MCM2: variants seen among roughly 807,000 people sequenced by gnomAD.
MCM2 encodes DNA replication licensing factor MCM2.
MCM2 carries 49 observed loss-of-function variants against 86.4 expected under a neutral mutation model. The observed-to-expected ratio is 0.57, with a 90% CI of 0.45 to 0.72. The LOEUF is 0.72. Among genes scored for constraint, MCM2 ranks in the 30% least tolerant of loss-of-function variants. MCM2 has a pLI of 0.00. For missense variants in MCM2, 1,038 were observed against 1,259.9 expected (o/e 0.82, Z 2.67); for synonymous variants, 475 against 484.6 (o/e 0.98, Z 0.26).
rs536712928 is a variant in MCM2, at chr3:127,621,303, T to C, written c.2604+75T>C. On this transcript the variant is annotated intron_variant, in intron 15 of 15. Transcript: ENST00000265056. ...TGCCAGTCTCCTGATGGGGGCTCCA[T>C]CATAATGGGTCATGAAGTGGGTGGG... 65 of 1,559,508 alleles carry C rather than the reference T, an allele frequency of 4.2e-5. No homozygotes were observed. The African/African-American group carries it at 8.4e-4, about 20-fold the overall frequency.
chr3:127,619,156 C>T lies in MCM2; in HGVS notation c.2143C>T (p.Leu715=), dbSNP rs2074456793. 1 of 1,614,164 alleles carries T rather than the reference C, an allele frequency of 6.2e-7. No homozygotes were observed. The highest frequency in any genetic ancestry group is 8.5e-7 in the Non-Finnish European group (1 of 1,180,038). ...AMPNTYGVEP[L]PQEVLKKYII... is the part of the protein sequence containing the mutation. ...GCCCAACACGTATGGCGTGGAGCCCCTGCCCCAGGAGGTCCTGAAGAAGTA... is the reference window on the plus strand; with the variant it reads ...GCCCAACACGTATGGCGTGGAGCCCTTGCCCCAGGAGGTCCTGAAGAAGTA... Residue 715 remains leucine, a synonymous_variant, in exon 13 of 16, where the codon CTG becomes TTG. Coordinates refer to ENST00000265056, the MANE Select transcript of MCM2 (RefSeq NM_004526.4).
rs577435798 is a variant in MCM2, at chr3:127,619,108, G to T, written c.2095G>T (p.Gly699Cys). 19 of 1,613,306 alleles carry T rather than the reference G, an allele frequency of 1.2e-5. No individual in the cohort carries two copies. In the South Asian group the frequency reaches 1.8e-4, roughly 15 times the overall value. ...CAAGGAGGAGGAGGGGCTGGCCAAT[G>T]GCAGCGCTGCTGAGCCCGCCATGCC... ...SNKEEEGLAN[G>C]SAAEPAMPNT... The change falls in exon 13 of 16, where the codon GGC (glycine) becomes TGC (cysteine). Residue 699 changes from glycine to cysteine, a missense_variant. Physicochemically the swap from Gly to Cys is radical, Grantham distance 159 (BLOSUM62 -3). Coordinates refer to ENST00000265056, the MANE Select transcript of MCM2 (RefSeq NM_004526.4).
chr3:127,608,691 G>A, intron 7 of MCM2, 141 bp from the exon 8 acceptor site: 1 of 1,193,294 alleles, frequency 8.4e-7, no homozygotes, highest in Non-Finnish European at 1.2e-6. Context: ...GGAATGGTGG[G>A]TTTAGGAGGG....
intron 8 of MCM2, among the ~76,000 whole-genome samples, chr3:127,613,877 A>C (rs915842334): frequency 1.2e-4 from 19 of 152,290 alleles, no homozygotes; most frequent in African/African-American, 4.6e-4. Flanking sequence ...CCTTCTTGCC[A>C]TGTCATCCCA....
rs1265803386 is a variant in MCM2, at chr3:127,620,710, A to G, written c.2278A>G (p.Ile760Val). 1.9e-6 allele frequency: 3 copies of G among 1,593,574 alleles called. No homozygotes were observed. Among genetic ancestry groups the G allele is most frequent in the African/African-American group, 1.3e-5 (1 of 74,376 alleles). Residue 760 changes from isoleucine (I) to valine (V), a missense_variant, in exon 14 of 16, where the codon ATC becomes GTC. This residue lies in a region of MCM2 where 336 missense variants were observed against 425.7 expected (regional missense o/e 0.79). Coordinates refer to ENST00000265056, the MANE Select transcript of MCM2 (RefSeq NM_004526.4). ...LRKESMATGSIPITVRHIESM... is the reference protein window; with the variant it reads ...LRKESMATGSVPITVRHIESM... ...TGCTTCTCTCCAGGCGACAGGCAGC[A>G]TCCCCATTACGGTGCGGCACATCGA... is the stretch of plus-strand genomic sequence containing the variant.
intron 8 of MCM2, among the ~76,000 whole-genome samples, chr3:127,609,768 A>T (rs976632216): frequency 2.7e-5 from 4 of 147,340 alleles, no homozygotes; most frequent in African/African-American, 1.0e-4. Context: ...CCCCCAGAGC[A>T]CCGTGTGTTC....
At chr3:127,616,847 G>A (rs530603885) in intron 9 of MCM2, 21 bp from the exon 10 acceptor site, 73 of 1,603,700 alleles carry the variant, frequency 4.6e-5, no homozygotes, top group African/African-American at 1.5e-4. Context: ...CCCCTCCCCC[G>A]CTTCTACTCA....
chr3:127,611,778 A>T, intron 8 of MCM2, among the ~76,000 whole-genome samples: 1 of 120,996 alleles, frequency 8.3e-6, no homozygotes, highest in East Asian at 2.4e-4. Context: ...GGCTCACTGC[A>T]AGCTCCGCCT....
chr3:127,617,128 T>C lies in MCM2; in HGVS notation c.1773+10T>C. ...TGATGAATTTGACAAGGTGGGTCCCTGGGTCACGGAGGCTGGTGGAACTCA... is the reference window on the plus strand; with the variant it reads ...TGATGAATTTGACAAGGTGGGTCCCCGGGTCACGGAGGCTGGTGGAACTCA... On this transcript the variant is annotated intron_variant, in intron 10 of 15. Transcript: ENST00000265056. The surrounding 1 kb of genome is among the most constrained non-coding windows in gnomAD (Gnocchi z 4.1). 1 of 1,611,340 alleles carries C rather than the reference T, an allele frequency of 6.2e-7. No homozygotes were observed. The highest frequency in any genetic ancestry group is 8.5e-7 in the Non-Finnish European group (1 of 1,177,950).
intron 6 of MCM2, 109 bp from the exon 7 acceptor site, chr3:127,608,273 A>G (rs1388235932): frequency 2.1e-6 from 3 of 1,417,226 alleles, no homozygotes; most frequent in Non-Finnish European, 2.9e-6. Context: ...TTGGCTCTCC[A>G]TTTGCCACTC....
At chr3:127,620,901 G>C (rs1312391322) in intron 14 of MCM2, 21 bp downstream of exon 14, 2 of 1,585,922 alleles carry the variant, frequency 1.3e-6, no homozygotes, top group African/African-American at 2.7e-5. Context: ...TCCGAGGTAG[G>C]GGCCTGATGG....
chr3:127,608,455 G>T lies in MCM2; in HGVS notation c.1175G>T (p.Arg392Leu). The T allele has an allele frequency of 6.2e-7, 1 of 1,614,196 alleles. No individual in the cohort carries two copies. The highest frequency in any genetic ancestry group is 8.5e-7 in the Non-Finnish European group (1 of 1,180,044). The change falls in exon 7 of 16, where the codon CGC (arginine) becomes CTC (leucine). Residue 392 changes from arginine (R) to leucine (L), a missense_variant. Arg to Leu is a moderately radical substitution (Grantham distance 102). Around this residue, in one of 4 missense-constraint regions of MCM2, gnomAD observed 399 missense variants for 507.2 expected, o/e 0.79. Transcript: ENST00000265056. ...AAAGTGGCGGCTGGCCGGCTGCCCC[G>T]CTCCAAGGACGCCATTCTCCTCGCA... ...PGKVAAGRLP[R>L]SKDAILLADL...
At chr3:127,620,604 T>G in intron 13 of MCM2, 94 bp from the exon 14 acceptor site, 1 of 1,311,520 alleles carries the variant, frequency 7.6e-7, no homozygotes, top group South Asian at 1.4e-5. Flanking sequence ...GTCAGATGGG[T>G]CTTCTTGGCT....
intron 13 of MCM2, 87 bp downstream of exon 13, chr3:127,619,365 C>G: frequency 6.6e-7 from 1 of 1,508,560 alleles, no homozygotes; most frequent in Non-Finnish European, 8.9e-7. Flanking sequence ...GGGTGGTGGT[C>G]AGTCAGGCCA....
In MCM2 at chr3:127,604,798, C is replaced by T; in HGVS notation, c.412+15C>T. ...GCTCCTGTATGGTAGGTCCAGTTGTCTGCCTGCCCGAGGGACTGGGAAGCT... is the reference window on the plus strand; with the variant it reads ...GCTCCTGTATGGTAGGTCCAGTTGTTTGCCTGCCCGAGGGACTGGGAAGCT... On this transcript the variant is annotated intron_variant, in intron 3 of 15. Coordinates refer to ENST00000265056, the MANE Select transcript of MCM2 (RefSeq NM_004526.4). The T allele has an allele frequency of 6.3e-7, 1 of 1,576,930 alleles. No homozygotes were observed. The highest frequency in any genetic ancestry group is 8.6e-7 in the Non-Finnish European group (1 of 1,161,430).
chr3:127,607,003 C>T (rs17538488), intron 6 of MCM2, among the ~76,000 whole-genome samples, 186 bp downstream of exon 6: 2 of 152,206 alleles, frequency 1.3e-5, no homozygotes, highest in South Asian at 2.1e-4. Context: ...TTGGCCCACA[C>T]GACGTTTTTA....
At chr3:127,611,425 A>G (rs184366471) in intron 8 of MCM2, among the ~76,000 whole-genome samples, 101 of 152,322 alleles carry the variant, frequency 6.6e-4, no homozygotes, top group Non-Finnish European at 4.3e-4. Context: ...TGAGAGACCC[A>G]TAGGTGAGCG....
intron 13 of MCM2, 88 bp downstream of exon 13, chr3:127,619,366 A>G (rs755013586): frequency 1.0e-4 from 157 of 1,513,460 alleles, no homozygotes; most frequent in Non-Finnish European, 1.3e-4. Flanking sequence ...GGTGGTGGTC[A>G]GTCAGGCCAA....
At chr3:127,613,219 C>T (rs943123342) in intron 8 of MCM2, among the ~76,000 whole-genome samples, 1 of 152,198 alleles carries the variant, frequency 6.6e-6, no homozygotes, top group African/African-American at 2.4e-5. Context: ...GGAGACATTA[C>T]CTCATCCTGC....
Sources: gnomAD v4.1 joint callset for allele counts (sites outside exome capture counted in the v4.1 genomes callset) on GRCh38, gnomAD v4.1.1 for gene constraint, gnomAD v4.1.1 regional missense constraint, Gnocchi (gnomAD v3.1) non-coding constraint, MANE v1.5 for transcripts, NCBI Gene and HGNC (gene_info 2026-07-23, HGNC 2026-07-21) for gene names.